Variants in ZNG1A observed in about 807,000 individuals in gnomAD.
ZNG1A encodes zinc-regulated GTPase metalloprotein activator 1A.
At chr9:156,631 A>C in the ZNG1A span, 1 of 1,257,964 alleles carries the variant, frequency 7.9e-7, no homozygotes, top group South Asian at 1.3e-5. Flanking sequence ...TCTAATAAAA[A>C]CTTCAACATG....
the ZNG1A span, chr9:153,934 A>G: frequency 7.2e-5 from 11 of 152,234 alleles, no homozygotes; most frequent in Admixed American, 7.2e-4. Context: ...GTCTCTCTGT[A>G]TAGGGCTTTT....
chr9:175,232 T>A, the ZNG1A span, among the ~76,000 whole-genome samples: 1 of 151,942 alleles, frequency 6.6e-6, no homozygotes, highest in African/African-American at 2.4e-5. Context: ...ACAAAAATTA[T>A]CTGGGCATGG....
At chr9:176,137 T>C in the ZNG1A span, among the ~76,000 whole-genome samples, 23 of 143,390 alleles carry the variant, frequency 1.6e-4, no homozygotes, top group African/African-American at 5.9e-4. Flanking sequence ...ACTTATAGTA[T>C]GCTTTAAACA....
chr9:129,663 G>T, the ZNG1A span, among the ~76,000 whole-genome samples: 8 of 143,818 alleles, frequency 5.6e-5, no homozygotes, highest in East Asian at 6.9e-4. Context: ...GGGGTGAGAG[G>T]GAGACGAAAA....
At chr9:176,336 A>G in the ZNG1A span, among the ~76,000 whole-genome samples, 1 of 142,452 alleles carries the variant, frequency 7.0e-6, no homozygotes, top group Non-Finnish European at 1.5e-5. Context: ...TTCATAGAGG[A>G]AAAAAAGAAA....
At chr9:128,813 AG>A in the ZNG1A span, among the ~76,000 whole-genome samples, 3 of 150,460 alleles carry the variant, frequency 2.0e-5, no homozygotes, top group African/African-American at 7.5e-5. Flanking sequence ...AGGCTCTGTC[AG>A]AGAGAAGGTC....
the ZNG1A span, among the ~76,000 whole-genome samples, chr9:161,277 T>C: frequency 2.6e-5 from 4 of 151,750 alleles, no homozygotes; most frequent in African/African-American, 7.3e-5. Context: ...ATGACCAGGC[T>C]GGTCAACATG....
chr9:125,248 T>G, the ZNG1A span, among the ~76,000 whole-genome samples: 2 of 151,126 alleles, frequency 1.3e-5, no homozygotes, highest in Non-Finnish European at 3.0e-5. Context: ...TTATGGCCAT[T>G]CTTGCAGAAG....
the ZNG1A span, among the ~76,000 whole-genome samples, chr9:142,019 C>T: frequency 6.9e-6 from 1 of 144,450 alleles, no homozygotes; most frequent in Non-Finnish European, 1.5e-5. Context: ...ACACCCAATA[C>T]AGGAGCACCC....
At chr9:176,576 T>A in the ZNG1A span, among the ~76,000 whole-genome samples, 1 of 152,098 alleles carries the variant, frequency 6.6e-6, no homozygotes, top group Admixed American at 6.5e-5. Context: ...TAATATCTTT[T>A]AGGTCATATT....
chr9:177,253 C>G, the ZNG1A span, among the ~76,000 whole-genome samples: 1 of 152,214 alleles, frequency 6.6e-6, no homozygotes, highest in South Asian at 2.1e-4. Context: ...GATTTTAACC[C>G]ATAGGGATGC....
chr9:162,627 A>G, the ZNG1A span, among the ~76,000 whole-genome samples: 2 of 150,178 alleles, frequency 1.3e-5, no homozygotes, highest in Admixed American at 6.6e-5. Context: ...CAGTGCTGCC[A>G]TTTAATTAAA....
the ZNG1A span, among the ~76,000 whole-genome samples, chr9:145,775 T>C: frequency 2.5e-4 from 38 of 152,096 alleles, no homozygotes; most frequent in African/African-American, 8.9e-4. Context: ...GTTATTTGTG[T>C]GAAAACGCTA....
At chr9:154,936 C>G in the ZNG1A span, 3 of 845,630 alleles carry the variant, frequency 3.5e-6, no homozygotes, top group African/African-American at 1.7e-5. Context: ...TAAGAATTAT[C>G]TAGTGCTCTA....
the ZNG1A span, among the ~76,000 whole-genome samples, chr9:141,820 A>C: frequency 1.3e-5 from 2 of 152,236 alleles, no homozygotes; most frequent in African/African-American, 4.8e-5. Context: ...AGACACACAC[A>C]GGCTCAAAAT....
the ZNG1A span, chr9:166,923 A>T: frequency 6.6e-6 from 1 of 152,216 alleles, no homozygotes; most frequent in Non-Finnish European, 1.5e-5. Flanking sequence ...GAAGTAGAGG[A>T]TCTAATAATT....
At chr9:177,847 C>T in the ZNG1A span, 32 of 1,237,748 alleles carry the variant, frequency 2.6e-5, no homozygotes, top group Non-Finnish European at 2.3e-6. Context: ...AAAATAAATT[C>T]CTTTATAAAA....
chr9:126,522 C>G, the ZNG1A span, among the ~76,000 whole-genome samples: 4 of 152,036 alleles, frequency 2.6e-5, no homozygotes, highest in Non-Finnish European at 5.9e-5. Flanking sequence ...CCTTGAATAT[C>G]TTTTGTATTT....
the ZNG1A span, among the ~76,000 whole-genome samples, chr9:143,449 G>C: frequency 8.4e-6 from 1 of 119,644 alleles, no homozygotes; most frequent in Non-Finnish European, 1.7e-5. Context: ...AAAACCACAT[G>C]ATTATCTCAA....
Sources: allele counts gnomAD v4.1 joint callset (sites outside exome capture counted in the v4.1 genomes callset), GRCh38; gene constraint gnomAD v4.1.1; transcripts MANE v1.5; gene names NCBI Gene and HGNC (gene_info 2026-07-23, HGNC 2026-07-21).